The following PCP4 variants were observed in gnomAD, a reference collection of about 807,000 sequenced individuals.
PCP4 encodes Purkinje cell protein 4, also known as calmodulin regulator protein PCP4.
PCP4 carries 8 observed loss-of-function variants against 10.0 expected under a neutral mutation model. That is an observed-to-expected ratio of 0.80 (90% CI 0.47 to 1.45). PCP4 has a LOEUF of 1.45. Ranked by LOEUF, PCP4 falls within the 40% of genes most tolerant of loss-of-function variation. PCP4 has a pLI of 0.00. For missense variants in PCP4, 54 were observed against 74.4 expected (o/e 0.73, Z 1.01); for synonymous variants, 21 against 23.0 (o/e 0.91, Z 0.24).
intron 1 of PCP4, among the ~76,000 whole-genome samples, chr21:39,874,321 A>C (rs1029381653): frequency 2.6e-5 from 4 of 152,182 alleles, no homozygotes; most frequent in African/African-American, 9.7e-5. Context: ...TCAAAAGACA[A>C]CTTTTGAATG....
intron 1 of PCP4, among the ~76,000 whole-genome samples, chr21:39,870,959 T>C (rs150926379): frequency 3.1e-4 from 47 of 152,328 alleles, no homozygotes; most frequent in African/African-American, 1.0e-3. Flanking sequence ...AAGGCATGGT[T>C]TGAAAAACAT....
chr21:39,929,222 C>T lies in PCP4; in HGVS notation c.*111C>T, dbSNP rs925875009. On this transcript the variant is annotated 3_prime_UTR_variant, in exon 3 of 3. Coordinates refer to ENST00000328619, the MANE Select transcript of PCP4 (RefSeq NM_006198.3). The stretch of plus-strand genomic sequence containing the variant: ...AAGTCATCCACACACAATCCACACA[C>T]GCATAGCAAACCTCCAATGCATGTA... The T allele has an allele frequency of 2.8e-5, 29 of 1,040,008 alleles. No homozygotes were observed. Among genetic ancestry groups the T allele is most frequent in the East Asian group, 1.0e-4 (4 of 40,190 alleles). The allele number at this position is 1,040,008 out of a possible 1,614,324, so 64.4% of individuals were successfully genotyped here. A position where few individuals can be genotyped will look rare whatever the true frequency, so the allele number is the denominator to read the frequency against.
At chr21:39,917,380 T>G (rs925443141) in intron 2 of PCP4, among the ~76,000 whole-genome samples, 1 of 152,144 alleles carries the variant, frequency 6.6e-6, no homozygotes, top group Admixed American at 6.5e-5. Context: ...ATCCTTCTAG[T>G]GCACCTGCCT....
chr21:39,895,710 A>C (rs2087453652), intron 1 of PCP4, among the ~76,000 whole-genome samples: 1 of 152,222 alleles, frequency 6.6e-6, no homozygotes, highest in Admixed American at 6.5e-5. Context: ...CAATGAGTTG[A>C]TGGTGCTTGA....
At position 39,926,824 on chromosome 21, in the gene PCP4, A is replaced by G. The variant is rs531726706; in HGVS notation, c.62-2160A>G. On this transcript the variant is annotated intron_variant, in intron 2 of 2. Coordinates refer to ENST00000328619, the MANE Select transcript of PCP4 (RefSeq NM_006198.3). ...GTGATCCTACCCCTTATTTTTCTCC[A>G]AAGAAAGGGCCCTGGCAATGTAGAA... Among the ~76,000 whole-genome samples the G allele has an allele frequency of 3.9e-5, 6 of 152,288 alleles. 1 individual carries two copies. The South Asian group carries it at 1.2e-3, about 32-fold the overall frequency.
chr21:39,923,685 C>G (rs751468343), intron 2 of PCP4, among the ~76,000 whole-genome samples: 27 of 152,194 alleles, frequency 1.8e-4, no homozygotes, highest in Non-Finnish European at 3.4e-4. Context: ...CAGTCCAGAC[C>G]TAAGCCTTCA....
chr21:39,867,470 C>G lies in PCP4; in HGVS notation c.-32C>G. The G allele has an allele frequency of 3.7e-6, 6 of 1,613,564 alleles. No individual in the cohort carries two copies. Among genetic ancestry groups the G allele is most frequent in the Non-Finnish European group, 5.1e-6 (6 of 1,179,512 alleles). On this transcript the variant is annotated 5_prime_UTR_variant, in exon 1 of 3. Transcript: ENST00000328619. ...CCTGAGCAGTGTTCTCTGTGCTGAG[C>G]GGCGGGACTGAGCTGTTGAGTTAGA... is the stretch of plus-strand genomic sequence containing the variant.
At chr21:39,923,287 T>C (rs2087605721) in intron 2 of PCP4, among the ~76,000 whole-genome samples, 1 of 152,216 alleles carries the variant, frequency 6.6e-6, no homozygotes, top group African/African-American at 2.4e-5. Flanking sequence ...GCCTGCCACG[T>C]GGTCAGGCAG....
intron 2 of PCP4, among the ~76,000 whole-genome samples, chr21:39,905,271 CAA>C (rs2087501438): frequency 6.6e-6 from 1 of 151,508 alleles, no homozygotes; most frequent in South Asian, 2.1e-4. Context: ...AAAATCAAAA[CAA>C]AAGTGACTGA....
rs1180821002 is a variant in PCP4, at chr21:39,903,889, A to C, written c.61+5362A>C. Among the ~76,000 whole-genome samples, 3 of 143,332 alleles carry C rather than the reference A, an allele frequency of 2.1e-5. No individual in the cohort carries two copies. In the East Asian group the frequency reaches 5.9e-4, roughly 28 times the overall value. 94.0% of individuals were successfully genotyped at this position (143,332 alleles called of 152,430 possible). A position where few individuals can be genotyped will look rare whatever the true frequency, so the allele number is the denominator to read the frequency against. On this transcript the variant is annotated intron_variant, in intron 2 of 2. Transcript: ENST00000328619. ...TCTCAAAAAAAACAAAAAAAAAAAA[A>C]AAAAAAAGACTTAGTTTGATTTGAT...
intron 1 of PCP4, among the ~76,000 whole-genome samples, chr21:39,890,289 A>G (rs1440571567): frequency 6.6e-6 from 1 of 152,236 alleles, no homozygotes; most frequent in Non-Finnish European, 1.5e-5. Context: ...GCCACACTGA[A>G]GCCCAAGACA....
At chr21:39,921,020 C>T (rs2087594349) in intron 2 of PCP4, among the ~76,000 whole-genome samples, 1 of 152,194 alleles carries the variant, frequency 6.6e-6, no homozygotes, top group Admixed American at 6.5e-5. Flanking sequence ...TTTACCTTTC[C>T]ATTTGTTTTC....
chr21:39,879,136 C>T (rs959556947), intron 1 of PCP4, among the ~76,000 whole-genome samples: 11 of 151,892 alleles, frequency 7.2e-5, no homozygotes, highest in South Asian at 6.3e-4. Context: ...ATTACAGGTG[C>T]GCACCACCAT....
chr21:39,920,810 A>T (rs2087593350), intron 2 of PCP4, among the ~76,000 whole-genome samples: 1 of 152,168 alleles, frequency 6.6e-6, no homozygotes, highest in South Asian at 2.1e-4. Flanking sequence ...ACAGATGAAG[A>T]CCATTTTTCT....
chr21:39,887,025 AT>A (rs569769034), intron 1 of PCP4, among the ~76,000 whole-genome samples: 4 of 152,312 alleles, frequency 2.6e-5, no homozygotes, highest in East Asian at 1.9e-4. Flanking sequence ...ACAAAGAAGA[AT>A]TTTTTTAAAG....
At chr21:39,867,598 T>TA in intron 1 of PCP4, 88 bp downstream of exon 1, 1 of 1,222,626 alleles carries the variant, frequency 8.2e-7, no homozygotes, top group Non-Finnish European at 1.2e-6. Context: ...GTGAGGGACT[T>TA]AGCAGTGCTG....
intron 1 of PCP4, among the ~76,000 whole-genome samples, chr21:39,867,853 T>C (rs576317240): frequency 6.6e-6 from 1 of 152,162 alleles, no homozygotes; most frequent in East Asian, 1.9e-4. Context: ...CCCGCGGTGA[T>C]ACCTTTCAGA....
intron 2 of PCP4, among the ~76,000 whole-genome samples, chr21:39,919,556 C>T (rs1204395137): frequency 6.6e-6 from 1 of 152,118 alleles, no homozygotes; most frequent in Non-Finnish European, 1.5e-5. Flanking sequence ...CAGCATTAGG[C>T]GTTAGGAGGT....
chr21:39,880,124 A>G (rs149124651), intron 1 of PCP4, among the ~76,000 whole-genome samples: 5,363 of 131,444 alleles, frequency 0.041, 312 homozygotes, highest in African/African-American at 0.13. Context: ...ATCTATATCT[A>G]TATCTGTATC....
Sources: allele counts gnomAD v4.1 joint callset (sites outside exome capture counted in the v4.1 genomes callset), GRCh38; gene constraint gnomAD v4.1.1; transcripts MANE v1.5; gene names NCBI Gene and HGNC (gene_info 2026-07-23, HGNC 2026-07-21).